Variants in SLC41A3 observed in about 807,000 individuals in gnomAD.
SLC41A3 encodes SLC41A1-like 2.
A neutral mutation model predicts 45.4 loss-of-function variants in SLC41A3; 44 were observed. That is an observed-to-expected ratio of 0.97 (90% CI 0.76 to 1.25). The LOEUF is 1.25. SLC41A3 is among the 50% of genes most tolerant of loss of function. SLC41A3 has a pLI of 0.00. For missense variants in SLC41A3, 550 were observed against 600.6 expected, an observed-to-expected ratio of 0.92 and a Z score of 0.88; for synonymous variants, 256 against 252.4, an observed-to-expected ratio of 1.01 and a Z score of -0.13.
At chr3:126,035,540 C>A (rs1001340862) in intron 3 of SLC41A3, among the ~76,000 whole-genome samples, 1 of 152,108 alleles carries the variant, frequency 6.6e-6, no homozygotes, top group Non-Finnish European at 1.5e-5. Context: ...GGAGAAAGAG[C>A]GAAATCAACG....
intron 9 of SLC41A3, among the ~76,000 whole-genome samples, 184 bp downstream of exon 9, chr3:126,012,431 T>G (rs2107652168): frequency 6.6e-6 from 1 of 152,210 alleles, no homozygotes; most frequent in East Asian, 1.9e-4. Context: ...AATAAATAAT[T>G]GAATGAAGGA....
chr3:126,073,439 A>T (rs1011371150), intron 1 of SLC41A3, among the ~76,000 whole-genome samples: 3 of 152,166 alleles, frequency 2.0e-5, no homozygotes, highest in African/African-American at 7.2e-5. Flanking sequence ...TGTCTCAGAA[A>T]AAAAACAAAA....
intron 1 of SLC41A3, chr3:126,092,730 G>C (rs956921634): frequency 6.6e-6 from 1 of 152,326 alleles, no homozygotes; most frequent in Non-Finnish European, 1.5e-5. Flanking sequence ...TGGTGAGTAA[G>C]AAGGGGAGCT....
chr3:126,073,916 T>C (rs951286371), intron 1 of SLC41A3, among the ~76,000 whole-genome samples: 1 of 152,164 alleles, frequency 6.6e-6, no homozygotes, highest in African/African-American at 2.4e-5. Context: ...ATGTGTGTTA[T>C]GAATACAGAC....
rs181635257 is a variant in SLC41A3 at position 126,012,018 on chromosome 3, G to A, written c.1105+597C>T. On this transcript the variant is annotated intron_variant, in intron 9 of 10. Coordinates refer to ENST00000360370, the MANE Select transcript of SLC41A3 (RefSeq NM_017836.4). ...CCTTCCTCAACTCCAAGGCTCTGTC[G>A]GATCACCTCCTTCCGGCCTCTCTGG... 5.2e-4 allele frequency among the ~76,000 whole-genome samples: 79 copies of A among 152,284 alleles called. 1 individual carries two copies. The highest frequency in any genetic ancestry group is 6.5e-4 in the Admixed American group (10 of 15,300).
chr3:126,032,940 G>T (rs543287742), intron 4 of SLC41A3, among the ~76,000 whole-genome samples: 83 of 152,118 alleles, frequency 5.5e-4, no homozygotes, highest in Non-Finnish European at 1.1e-3. Flanking sequence ...CTATGTCCAG[G>T]CCCAGCCTCT....
At chr3:126,008,959 C>T (rs1221890711) in intron 9 of SLC41A3, 79 bp from the exon 10 acceptor site, 14 of 1,548,256 alleles carry the variant, frequency 9.0e-6, no homozygotes, top group Non-Finnish European at 1.2e-5. Flanking sequence ...AGTGAGGCAT[C>T]CACACTCACT....
At chr3:126,093,375 G>T (rs1022965467) in intron 1 of SLC41A3, among the ~76,000 whole-genome samples, 2 of 152,118 alleles carry the variant, frequency 1.3e-5, no homozygotes, top group Admixed American at 6.5e-5. Flanking sequence ...TGCCATGAGG[G>T]GCCTGTCCTG....
Position 126,041,799 on chromosome 3 carries a change from G to A in SLC41A3, c.382-8121C>T, listed in dbSNP as rs547348456. On this transcript the variant is annotated intron_variant, in intron 3 of 10. Transcript: ENST00000360370. ...TAGGCACCTCCAGGCCCTTGTTTCC[G>A]CACAGACACATCAAATAAGCAACAC... Among the ~76,000 whole-genome samples, 16 of 152,292 alleles carry A rather than the reference G, an allele frequency of 1.1e-4. 1 individual carries two copies. Among genetic ancestry groups the A allele is most frequent in the South Asian group, 8.3e-4 (4 of 4,822 alleles).
intron 1 of SLC41A3, among the ~76,000 whole-genome samples, chr3:126,076,200 G>C (rs756509511): frequency 5.6e-4 from 85 of 152,166 alleles, no homozygotes; most frequent in Non-Finnish European, 1.1e-3. Context: ...TGGCCAATAA[G>C]CACATGAAAC....
chr3:126,039,521 C>T (rs935073827), intron 3 of SLC41A3, among the ~76,000 whole-genome samples: 3 of 152,192 alleles, frequency 2.0e-5, no homozygotes, highest in Admixed American at 6.5e-5. Flanking sequence ...GTGATAGCAG[C>T]GAGACTTGTC....
Position 126,007,195 on chromosome 3 carries a change from T to C in SLC41A3, c.1285A>G (p.Met429Val). Reference sequence around the variant, plus strand: ...GCCTGGTGCCAAGTCAGCCGAACCATCACTTCTGCGAGGTACAGCAGGATT... The same window carrying C: ...GCCTGGTGCCAAGTCAGCCGAACCACCACTTCTGCGAGGTACAGCAGGATT... ...VTILLYLAEV[M>V]VRLTWHQALD... Residue 429 changes from methionine (M) to valine (V), a missense_variant, in exon 11 of 11, where the codon ATG becomes GTG. Physicochemically the swap from Met to Val is conservative, Grantham distance 21. Coordinates refer to ENST00000360370, the MANE Select transcript of SLC41A3 (RefSeq NM_017836.4). 1.2e-6 allele frequency: 2 copies of C among 1,613,924 alleles called. No individual in the cohort carries two copies. The highest frequency in any genetic ancestry group is 1.7e-6 in the Non-Finnish European group (2 of 1,179,890).
rs1939129966 is a variant in SLC41A3 at position 126,006,625 on chromosome 3, G to A, written c.*391C>T. Reference sequence around the variant, plus strand: ...TTCTGAGGCTTGGGAACAGAAAAGAGCTCCTTCCTGCTCCACCCCAATCTG... The same window carrying A: ...TTCTGAGGCTTGGGAACAGAAAAGAACTCCTTCCTGCTCCACCCCAATCTG... On this transcript the variant is annotated 3_prime_UTR_variant, in exon 11 of 11. Coordinates refer to ENST00000360370, the MANE Select transcript of SLC41A3 (RefSeq NM_017836.4). The A allele has an allele frequency of 1.9e-6, 3 of 1,541,590 alleles. No homozygotes were observed. Among genetic ancestry groups the A allele is most frequent in the African/African-American group, 1.4e-5 (1 of 71,820 alleles).
intron 5 of SLC41A3, chr3:126,024,137 C>T (rs1419633485): frequency 2.0e-5 from 3 of 152,222 alleles, no homozygotes; most frequent in Admixed American, 6.5e-5. Flanking sequence ...CTGTGATAGC[C>T]TCTTCAACAC....
chr3:126,010,018 C>T (rs146142674), intron 9 of SLC41A3, among the ~76,000 whole-genome samples: 26 of 152,350 alleles, frequency 1.7e-4, no homozygotes, highest in South Asian at 1.7e-3. Context: ...ATAAAACAAA[C>T]GTAAGCAGAT....
intron 2 of SLC41A3, among the ~76,000 whole-genome samples, chr3:126,054,726 T>C (rs1000969595): frequency 1.3e-5 from 2 of 152,002 alleles, no homozygotes; most frequent in Non-Finnish European, 2.9e-5. Flanking sequence ...GAAGAATGAC[T>C]GCTCCCTCTT....
intron 6 of SLC41A3, among the ~76,000 whole-genome samples, chr3:126,019,076 G>C (rs1940595160): frequency 6.6e-6 from 1 of 152,206 alleles, no homozygotes; most frequent in Non-Finnish European, 1.5e-5. Context: ...GGTTATAATG[G>C]CTGAGAAGTC....
At chr3:126,069,831 G>A (rs967803343) in intron 1 of SLC41A3, among the ~76,000 whole-genome samples, 2 of 151,764 alleles carry the variant, frequency 1.3e-5, no homozygotes, top group Non-Finnish European at 2.9e-5. Flanking sequence ...TACAAGAGCT[G>A]GAATGTAAAA....
intron 1 of SLC41A3, among the ~76,000 whole-genome samples, chr3:126,096,591 C>T (rs1945607714): frequency 6.6e-6 from 1 of 152,260 alleles, no homozygotes. Flanking sequence ...ATAGCATGAG[C>T]AATCTGTGCC....
Sources: gnomAD v4.1 joint callset for allele counts (sites outside exome capture counted in the v4.1 genomes callset) on GRCh38, gnomAD v4.1.1 for gene constraint, MANE v1.5 for transcripts, NCBI Gene and HGNC (gene_info 2026-07-23, HGNC 2026-07-21) for gene names.